The following OSBPL8 variants were observed in gnomAD, a reference collection of about 807,000 sequenced individuals.
OSBPL8 encodes oxysterol binding protein like 8, also known as oxysterol-binding protein-related protein 8.
A neutral mutation model predicts 125.5 loss-of-function variants in OSBPL8; 59 were observed. That is an observed-to-expected ratio of 0.47 (90% CI 0.38 to 0.58). The LOEUF is 0.58. OSBPL8 is among the 20% of genes least tolerant of loss of function. The pLI is 0.00. For synonymous variants in OSBPL8, 330 were observed against 338.9 expected, an observed-to-expected ratio of 0.97 and a Z score of 0.29; for missense variants, 758 against 1,047.8, an observed-to-expected ratio of 0.72 and a Z score of 3.82.
At position 76,559,719 on chromosome 12, in the gene OSBPL8, G is replaced by C. The variant is rs897542824; in HGVS notation, c.-390C>G. The C allele has an allele frequency of 2.0e-5, 3 of 152,238 alleles. No individual in the cohort carries two copies. The highest frequency in any genetic ancestry group is 7.2e-5 in the African/African-American group (3 of 41,428). 9.4% of individuals were successfully genotyped at this position (152,238 alleles called of 1,614,324 possible). A position where few individuals can be genotyped will look rare whatever the true frequency, so the allele number is the denominator to read the frequency against. On this transcript the variant is annotated 5_prime_UTR_variant, in exon 1 of 24. Transcript: ENST00000261183. Reference sequence around the variant, plus strand: ...AAGCTAACACTACAGCCGCCGCCTGGCCAGGAGCGCGTCGCGGCCTAATGT... The same window carrying C: ...AAGCTAACACTACAGCCGCCGCCTGCCCAGGAGCGCGTCGCGGCCTAATGT...
chr12:76,515,545 G>A (rs965830260), intron 1 of OSBPL8, among the ~76,000 whole-genome samples: 3 of 152,116 alleles, frequency 2.0e-5, no homozygotes, highest in South Asian at 2.1e-4. Flanking sequence ...TTGCAGCCAC[G>A]TTCCCTCTCA....
rs573409160 is a variant in OSBPL8 at position 76,526,635 on chromosome 12, CTTTTTTTTTTTTTTTT to C, written c.-68+32746_-68+32761del. Among the ~76,000 whole-genome samples, 164 of 64,274 alleles carry C rather than the reference CTTTTTTTTTTTTTTTT, an allele frequency of 2.6e-3. 1 individual carries two copies. Among genetic ancestry groups the C allele is most frequent in the Non-Finnish European group, 3.6e-3 (127 of 35,048 alleles). The allele number at this position is 64,274 out of a possible 152,430, so 42.2% of individuals were successfully genotyped here. A position where few individuals can be genotyped will look rare whatever the true frequency, so the allele number is the denominator to read the frequency against. ...TGTTATACTTGCTATCAGTAAATCT[CTTTTTTTTTTTTTTTT>C]TTTTTTTTTTTTTTTTTGAGACAGG... On this transcript the variant is annotated intron_variant, in intron 1 of 23. Transcript: ENST00000261183.
At chr12:76,474,850 C>T (rs939771956) in intron 2 of OSBPL8, among the ~76,000 whole-genome samples, 1 of 152,084 alleles carries the variant, frequency 6.6e-6, no homozygotes, top group Non-Finnish European at 1.5e-5. Flanking sequence ...AATTCATCAC[C>T]CAATCCCCAA....
chr12:76,485,378 C>A (rs1412548933), intron 2 of OSBPL8, among the ~76,000 whole-genome samples: 2 of 152,014 alleles, frequency 1.3e-5, no homozygotes, highest in East Asian at 1.9e-4. Flanking sequence ...TTGAGACCAT[C>A]CTGACCAACA....
intron 2 of OSBPL8, among the ~76,000 whole-genome samples, chr12:76,470,376 C>T (rs1875987643): frequency 6.6e-6 from 1 of 152,172 alleles, no homozygotes; most frequent in Non-Finnish European, 1.5e-5. Flanking sequence ...ACAACCGAAA[C>T]CATATTATCA....
chr12:76,490,690 G>A (rs1447084515), intron 1 of OSBPL8, among the ~76,000 whole-genome samples: 2 of 152,236 alleles, frequency 1.3e-5, no homozygotes, highest in Admixed American at 6.5e-5. Context: ...GAGCTTGGGA[G>A]CCACAAGTGT....
intron 3 of OSBPL8, among the ~76,000 whole-genome samples, chr12:76,457,098 A>G (rs1191666929): frequency 1.3e-5 from 2 of 152,228 alleles, no homozygotes; most frequent in African/African-American, 2.4e-5. Flanking sequence ...GACTTTTTAA[A>G]GCAATATGCA....
At chr12:76,526,480 T>G (rs912328355) in intron 1 of OSBPL8, among the ~76,000 whole-genome samples, 2 of 152,128 alleles carry the variant, frequency 1.3e-5, no homozygotes, top group Admixed American at 1.3e-4. Flanking sequence ...ACTTAATTTT[T>G]TTTTACTGGC....
At chr12:76,498,833 C>A (rs1243472246) in intron 1 of OSBPL8, among the ~76,000 whole-genome samples, 1 of 150,484 alleles carries the variant, frequency 6.6e-6, no homozygotes, top group African/African-American at 2.5e-5. Flanking sequence ...GATCATCTCA[C>A]CTCAACCTCC....
chr12:76,497,670 T>A (rs1263310420), intron 1 of OSBPL8, among the ~76,000 whole-genome samples: 1 of 152,230 alleles, frequency 6.6e-6, no homozygotes, highest in Non-Finnish European at 1.5e-5. Flanking sequence ...AACAACTTTT[T>A]TCTGAGTTTT....
At chr12:76,485,478 T>C (rs1474794670) in intron 2 of OSBPL8, among the ~76,000 whole-genome samples, 1 of 151,798 alleles carries the variant, frequency 6.6e-6, no homozygotes, top group African/African-American at 2.4e-5. Context: ...GAGGCTGAGG[T>C]AGGAGAATTG....
intron 10 of OSBPL8, among the ~76,000 whole-genome samples, chr12:76,392,178 T>C (rs1279945276): frequency 6.6e-6 from 1 of 152,200 alleles, no homozygotes; most frequent in East Asian, 1.9e-4. Context: ...AAAAACATGT[T>C]ACTCTATAGA....
At chr12:76,455,744 T>A (rs1462168404) in intron 3 of OSBPL8, among the ~76,000 whole-genome samples, 1 of 152,224 alleles carries the variant, frequency 6.6e-6, no homozygotes, top group African/African-American at 2.4e-5. Flanking sequence ...ATTTCCTACA[T>A]CAGTTACATA....
At chr12:76,419,474 A>G (rs865963257) in intron 4 of OSBPL8, among the ~76,000 whole-genome samples, 1 of 152,176 alleles carries the variant, frequency 6.6e-6, no homozygotes. Context: ...CGAATAAGCT[A>G]TGGGGTCAGA....
At chr12:76,527,306 T>A (rs1275246146) in intron 1 of OSBPL8, among the ~76,000 whole-genome samples, 6 of 152,110 alleles carry the variant, frequency 3.9e-5, no homozygotes, top group Admixed American at 1.3e-4. Flanking sequence ...ATCAATAAAG[T>A]ACATTAATTA....
intron 21 of OSBPL8, among the ~76,000 whole-genome samples, chr12:76,360,969 T>C (rs1478748806): frequency 1.3e-5 from 2 of 152,242 alleles, no homozygotes; most frequent in Non-Finnish European, 1.5e-5. Context: ...ACCTGTGACA[T>C]GCCCTGGAGA....
Position 76,479,712 on chromosome 12 carries a change from C to A in OSBPL8, c.42+7798G>T, listed in dbSNP as rs149504581. On this transcript the variant is annotated intron_variant, in intron 2 of 23. Coordinates refer to ENST00000261183, the MANE Select transcript of OSBPL8 (RefSeq NM_020841.5). Reference sequence around the variant, plus strand: ...GGACTGATGAACACCTTAAACATCACCATGAGGGGAAAATTCATATTGTAG... The same window carrying A: ...GGACTGATGAACACCTTAAACATCAACATGAGGGGAAAATTCATATTGTAG... Among the ~76,000 whole-genome samples, 659 of 152,146 alleles carry A rather than the reference C, an allele frequency of 4.3e-3. 11 individuals carry two copies. The highest frequency in any genetic ancestry group is 0.03 in the Admixed American group (454 of 15,276).
At position 76,373,431 on chromosome 12, in the gene OSBPL8, T is replaced by C. The variant is rs766969627; in HGVS notation, c.1830A>G (p.Pro610=). The C allele has an allele frequency of 7.5e-6, 12 of 1,591,322 alleles. 1 individual carries two copies. In the South Asian group the frequency reaches 1.3e-4, roughly 17 times the overall value. Residue 610 remains proline (P), a splice_region_variant and synonymous_variant, in exon 18 of 24, where the codon CCA becomes CCG. Coordinates refer to ENST00000261183, the MANE Select transcript of OSBPL8 (RefSeq NM_020841.5). The part of the protein sequence containing the change: ...YSAILEFKLK[P]FLGSSDCVNQ... ...TAACACAGTCACTACTCCCTAGGAA[T>C]GGCTTTTAAACGAGAAAATGTTAAA...
chr12:76,394,880 G>T, intron 8 of OSBPL8, 151 bp from the exon 9 acceptor site: 1 of 539,876 alleles, frequency 1.9e-6, no homozygotes, highest in Non-Finnish European at 3.0e-6. Context: ...TCTTGAGAAT[G>T]CAAATGTTAA....
Sources: allele counts gnomAD v4.1 joint callset (sites outside exome capture counted in the v4.1 genomes callset), GRCh38; gene constraint gnomAD v4.1.1; transcripts MANE v1.5; gene names NCBI Gene and HGNC (gene_info 2026-07-23, HGNC 2026-07-21).